Variants in TOP6BL observed in about 807,000 individuals in gnomAD.
The protein encoded by TOP6BL is TOP6B like initiator of meiotic double strand breaks, also known as type 2 DNA topoisomerase 6 subunit B-like.
At chr11:66,765,494 A>G in the TOP6BL span, among the ~76,000 whole-genome samples, 7 of 152,088 alleles carry the variant, frequency 4.6e-5, no homozygotes, top group East Asian at 1.2e-3. Flanking sequence ...CCTCCACTCA[A>G]TAATGCTAGT....
the TOP6BL span, among the ~76,000 whole-genome samples, chr11:66,767,013 G>A: frequency 2.0e-5 from 3 of 151,896 alleles, no homozygotes; most frequent in Admixed American, 6.6e-5. Context: ...TTGATTTTTC[G>A]TTAATTCTGC....
At chr11:66,795,086 A>T in the TOP6BL span, among the ~76,000 whole-genome samples, 1 of 151,174 alleles carries the variant, frequency 6.6e-6, no homozygotes, top group African/African-American at 2.4e-5. Flanking sequence ...GTGAGCCGAG[A>T]TCACACCACT....
chr11:66,815,029 C>T, the TOP6BL span, among the ~76,000 whole-genome samples: 4 of 152,100 alleles, frequency 2.6e-5, no homozygotes, highest in African/African-American at 4.8e-5. Flanking sequence ...GTAGTCTGGT[C>T]GTCTGGCTCC....
the TOP6BL span, among the ~76,000 whole-genome samples, chr11:66,795,143 A>G: frequency 6.7e-6 from 1 of 149,928 alleles, no homozygotes; most frequent in African/African-American, 2.5e-5. Context: ...TCAAAAAAAA[A>G]TATATATATA....
At chr11:66,805,022 G>A in the TOP6BL span, among the ~76,000 whole-genome samples, 1 of 151,332 alleles carries the variant, frequency 6.6e-6, no homozygotes, top group Non-Finnish European at 1.5e-5. Flanking sequence ...AGCCGAGATC[G>A]CAGCCACTGC....
chr11:66,793,580 G>A, the TOP6BL span, among the ~76,000 whole-genome samples: 1 of 151,270 alleles, frequency 6.6e-6, no homozygotes, highest in Non-Finnish European at 1.5e-5. Flanking sequence ...GAGTAGCTGG[G>A]ATCACAGGTG....
chr11:66,843,360 G>C, the TOP6BL span: 125 of 1,252,818 alleles, frequency 1.0e-4, no homozygotes, highest in Admixed American at 6.0e-4. Context: ...TCGGGCCCGG[G>C]CGGGGCGGGG....
chr11:66,754,053 T>G, the TOP6BL span, among the ~76,000 whole-genome samples: 2 of 152,232 alleles, frequency 1.3e-5, no homozygotes, highest in Non-Finnish European at 2.9e-5. Flanking sequence ...CAAGGAAGAC[T>G]GAAAAACGTA....
the TOP6BL span, chr11:66,756,322 AC>A: frequency 8.4e-7 from 1 of 1,188,352 alleles, no homozygotes; most frequent in Non-Finnish European, 1.1e-6. Context: ...CATACAGTTA[AC>A]CCCCTTTTCC....
At chr11:66,801,237 A>G in the TOP6BL span, 3 of 869,664 alleles carry the variant, frequency 3.4e-6, no homozygotes, top group Non-Finnish European at 5.3e-6. Flanking sequence ...GAAAAGCAGA[A>G]GTAAAACTTT....
the TOP6BL span, among the ~76,000 whole-genome samples, chr11:66,828,957 AGT>A: frequency 6.0e-5 from 9 of 149,700 alleles, no homozygotes; most frequent in African/African-American, 1.7e-4. Context: ...AAAAGATAAA[AGT>A]GTGTGTGTGT....
the TOP6BL span, chr11:66,804,026 T>G: frequency 6.2e-7 from 1 of 1,612,352 alleles, no homozygotes; most frequent in Non-Finnish European, 8.5e-7. Context: ...TGAATCACAC[T>G]GCAGCAGAAT....
chr11:66,788,746 A>T, the TOP6BL span, among the ~76,000 whole-genome samples: 5 of 152,068 alleles, frequency 3.3e-5, no homozygotes, highest in South Asian at 6.2e-4. Flanking sequence ...TTTATTGAAA[A>T]TTTTTTTGGT....
the TOP6BL span, among the ~76,000 whole-genome samples, chr11:66,819,252 A>T: frequency 1.5e-4 from 23 of 149,240 alleles, no homozygotes; most frequent in East Asian, 2.0e-4. Flanking sequence ...TGATTAACTC[A>T]TTTTTTTTTT....
chr11:66,745,309 C>CGGGGGGGGGGGGGG, the TOP6BL span, among the ~76,000 whole-genome samples: 5 of 11,786 alleles, frequency 4.2e-4, no homozygotes, highest in African/African-American at 5.9e-4. Context: ...CGTTGCGGGG[C>CGGGGGGGGGGGGGG]GGGGTGGGGG....
At chr11:66,809,608 AATT>A in the TOP6BL span, among the ~76,000 whole-genome samples, 4 of 152,210 alleles carry the variant, frequency 2.6e-5, no homozygotes, top group Non-Finnish European at 5.9e-5. Flanking sequence ...TTTATATTGG[AATT>A]ATTGTATGCA....
chr11:66,801,077 T>C, the TOP6BL span: 1 of 1,613,958 alleles, frequency 6.2e-7, no homozygotes, highest in Non-Finnish European at 8.5e-7. Context: ...AATTGCTCTT[T>C]TGGTCGACTC....
At chr11:66,812,692 G>A in the TOP6BL span, among the ~76,000 whole-genome samples, 1 of 152,212 alleles carries the variant, frequency 6.6e-6, no homozygotes, top group Non-Finnish European at 1.5e-5. Flanking sequence ...ATAAAGGAAA[G>A]CACACATTCT....
At chr11:66,793,700 C>T in the TOP6BL span, among the ~76,000 whole-genome samples, 1 of 152,010 alleles carries the variant, frequency 6.6e-6, no homozygotes, top group Non-Finnish European at 1.5e-5. Flanking sequence ...CCCGCCTTGG[C>T]CTCCCAAAGT....
Sources: allele counts gnomAD v4.1 joint callset (sites outside exome capture counted in the v4.1 genomes callset), GRCh38; gene constraint gnomAD v4.1.1; transcripts MANE v1.5; gene names NCBI Gene and HGNC (gene_info 2026-07-23, HGNC 2026-07-21).